Variants in MED13L observed in about 807,000 individuals in gnomAD.
The protein encoded by MED13L is mediator complex subunit 13L, also known as mediator of RNA polymerase II transcription subunit 13-like.
MED13L carries 7 observed loss-of-function variants against 220.9 expected under a neutral mutation model. The ratio of observed to expected loss-of-function variants is 0.03; its 90% CI spans 0.02 to 0.06. The LOEUF (loss-of-function observed/expected upper bound fraction) is 0.06. MED13L is among the 10% of genes least tolerant of loss of function. MED13L has a pLI of 1.00. For missense variants in MED13L, 1,965 were observed against 2,760.5 expected, an observed-to-expected ratio of 0.71 and a Z score of 6.46; for synonymous variants, 1,011 against 1,015.2, an observed-to-expected ratio of 1.00 and a Z score of 0.08.
intron 4 of MED13L, among the ~76,000 whole-genome samples, chr12:116,050,280 G>C (rs1171498068): frequency 1.3e-5 from 2 of 152,132 alleles, no homozygotes; most frequent in Non-Finnish European, 1.5e-5. Context: ...GAAAATATGT[G>C]AGCGGGCACA....
At chr12:116,257,863 T>A (rs1872185558) in intron 1 of MED13L, among the ~76,000 whole-genome samples, 1 of 152,196 alleles carries the variant, frequency 6.6e-6, no homozygotes, top group African/African-American at 2.4e-5. Context: ...ATTTTCCAAA[T>A]GATTCCTCAA....
At chr12:116,077,756 T>G (rs1342244483) in intron 4 of MED13L, among the ~76,000 whole-genome samples, 1 of 152,246 alleles carries the variant, frequency 6.6e-6, no homozygotes, top group Non-Finnish European at 1.5e-5. Context: ...TGCTAAATTT[T>G]GTACCATATA....
At chr12:116,015,036 A>G in intron 8 of MED13L, 73 bp downstream of exon 8, 1 of 1,464,476 alleles carries the variant, frequency 6.8e-7, no homozygotes. Flanking sequence ...GTGCAATGTG[A>G]TTGACATTTT....
intron 1 of MED13L, among the ~76,000 whole-genome samples, chr12:116,271,680 T>C (rs1873367400): frequency 6.6e-6 from 1 of 150,966 alleles, no homozygotes; most frequent in Non-Finnish European, 1.5e-5. Flanking sequence ...GTGGCCAACA[T>C]CACACAACAG....
At chr12:116,094,238 A>G (rs1012677427) in intron 4 of MED13L, among the ~76,000 whole-genome samples, 1 of 152,230 alleles carries the variant, frequency 6.6e-6, no homozygotes, top group African/African-American at 2.4e-5. Context: ...AGCAAACGCC[A>G]ATTTTTAAAT....
intron 19 of MED13L, among the ~76,000 whole-genome samples, chr12:115,985,217 A>G (rs1877605404): frequency 6.6e-6 from 1 of 152,214 alleles, no homozygotes; most frequent in Non-Finnish European, 1.5e-5. Context: ...GGTTCCATTC[A>G]AGGAAATGGC....
In MED13L at chr12:116,109,074, TTTTTTTTTTTTTTG is replaced by T. The variant is rs920317791; in HGVS notation, c.395+2340_395+2353del. Among the ~76,000 whole-genome samples, 11 of 70,042 alleles carry T rather than the reference TTTTTTTTTTTTTTG, an allele frequency of 1.6e-4. No individual in the cohort carries two copies. The South Asian group carries it at 2.4e-3, about 15-fold the overall frequency. The allele number at this position is 70,042 out of a possible 152,430, so 46.0% of individuals were successfully genotyped here. A position where few individuals can be genotyped will look rare whatever the true frequency, so the allele number is the denominator to read the frequency against. ...TAATTAATTTCCTTTTTTTTTTTTTTTTTTTTTTTTTTTGGAAACAGGGTCTCACTCTGTCACCC... is the reference window on the plus strand; with the variant it reads ...TAATTAATTTCCTTTTTTTTTTTTTTGAAACAGGGTCTCACTCTGTCACCC... On this transcript the variant is annotated intron_variant, in intron 3 of 30. Coordinates refer to ENST00000281928, the MANE Select transcript of MED13L (RefSeq NM_015335.5).
At position 115,990,946 on chromosome 12, in the gene MED13L, C is replaced by T. The variant is rs1878017336; in HGVS notation, c.3934+74G>A. 4.0e-6 allele frequency: 6 copies of T among 1,512,954 alleles called. No individual in the cohort carries two copies. The Admixed American group carries it at 6.9e-5, about 18-fold the overall frequency. 93.7% of individuals were successfully genotyped at this position (1,512,954 alleles called of 1,614,324 possible). A position where few individuals can be genotyped will look rare whatever the true frequency, so the allele number is the denominator to read the frequency against. On this transcript the variant is annotated intron_variant, in intron 17 of 30. Coordinates refer to ENST00000281928, the MANE Select transcript of MED13L (RefSeq NM_015335.5). ...TGAAATTAAAATTTTTTGTCAAATA[C>T]AGTAAAGAAAGCTTTTAAGTTATGA...
chr12:116,258,108 T>C (rs1457486847), intron 1 of MED13L, among the ~76,000 whole-genome samples: 2 of 152,156 alleles, frequency 1.3e-5, no homozygotes, highest in Admixed American at 6.5e-5. Flanking sequence ...AAGAGACCAA[T>C]AATGTTTGGA....
At chr12:116,169,741 G>A (rs992695497) in intron 2 of MED13L, among the ~76,000 whole-genome samples, 3 of 152,188 alleles carry the variant, frequency 2.0e-5, no homozygotes, top group Non-Finnish European at 4.4e-5. Flanking sequence ...AGGTGTGTTG[G>A]CCAGTGCTTG....
chr12:116,007,146 G>A, intron 11 of MED13L: 4 of 489,220 alleles, frequency 8.2e-6, no homozygotes, highest in Non-Finnish European at 1.5e-5. Flanking sequence ...ATTAGCATAT[G>A]AGAGAAAACA....
At chr12:116,245,865 C>A (rs184821138) in intron 1 of MED13L, among the ~76,000 whole-genome samples, 1 of 152,050 alleles carries the variant, frequency 6.6e-6, no homozygotes, top group South Asian at 2.1e-4. Flanking sequence ...CAAAACAATT[C>A]ATAACAATTT....
At chr12:116,147,249 T>C (rs1374798867) in intron 2 of MED13L, among the ~76,000 whole-genome samples, 1 of 152,220 alleles carries the variant, frequency 6.6e-6, no homozygotes, top group Non-Finnish European at 1.5e-5. Flanking sequence ...CCTAAAACTC[T>C]GATATCATTT....
chr12:116,131,861 G>C (rs922835357), intron 2 of MED13L, among the ~76,000 whole-genome samples: 1 of 152,090 alleles, frequency 6.6e-6, no homozygotes, highest in African/African-American at 2.4e-5. Context: ...CACGCCTGTA[G>C]TCTCAGCTTA....
chr12:116,080,528 G>T (rs1338338652), intron 4 of MED13L, among the ~76,000 whole-genome samples: 1 of 152,074 alleles, frequency 6.6e-6, no homozygotes, highest in Non-Finnish European at 1.5e-5. Flanking sequence ...GGTACTATAG[G>T]ACATTCTCAA....
chr12:115,985,615 A>AT (rs1877633403), intron 19 of MED13L, among the ~76,000 whole-genome samples: 2 of 152,262 alleles, frequency 1.3e-5, no homozygotes, highest in Non-Finnish European at 2.9e-5. Context: ...CTTTGGCATA[A>AT]GAAATGTGGC....
Position 115,996,648 on chromosome 12 carries a change from G to C in MED13L, c.2824C>G (p.Gln942Glu), listed in dbSNP as rs1273935103. ...FSYVHKVPSF[Q>E]PFVGSSMFAP... ...AACATGGAGGATCCCACAAAAGGTT[G>C]AAAGGATGGAACTTTGTGCACATAT... Residue 942 changes from glutamine to glutamate, a missense_variant, in exon 16 of 31, where the codon CAA (glutamine) becomes GAA (glutamate). Physicochemically the swap from Gln to Glu is conservative, Grantham distance 29. Around this residue, in one of 10 missense-constraint regions of MED13L, gnomAD observed 233 missense variants for 306.2 expected, o/e 0.76. Transcript: ENST00000281928. The C allele has an allele frequency of 1.2e-6, 2 of 1,613,986 alleles. No individual in the cohort carries two copies. Among genetic ancestry groups the C allele is most frequent in the Non-Finnish European group, 1.7e-6 (2 of 1,179,980 alleles).
At chr12:116,046,934 A>G (rs1413713047) in intron 4 of MED13L, among the ~76,000 whole-genome samples, 2 of 152,046 alleles carry the variant, frequency 1.3e-5, no homozygotes, top group Admixed American at 6.6e-5. Flanking sequence ...GATCGCACCA[A>G]TGCACTCCAG....
At chr12:116,178,869 T>C (rs1284488489) in intron 2 of MED13L, among the ~76,000 whole-genome samples, 1 of 152,214 alleles carries the variant, frequency 6.6e-6, no homozygotes, top group African/African-American at 2.4e-5. Context: ...ATCTAACATC[T>C]TTTTAAGCAC....
Sources: gnomAD v4.1 joint callset for allele counts (sites outside exome capture counted in the v4.1 genomes callset) on GRCh38, gnomAD v4.1.1 for gene constraint, gnomAD v4.1.1 regional missense constraint, MANE v1.5 for transcripts, NCBI Gene and HGNC (gene_info 2026-07-23, HGNC 2026-07-21) for gene names.